Variants in CDKL5 observed in about 807,000 individuals in gnomAD.
CDKL5 encodes cyclin-dependent kinase-like 5.
Under a neutral mutation model 61.7 loss-of-function variants are expected in CDKL5, and 8 were observed. The observed-to-expected ratio is 0.13, with a 90% CI of 0.08 to 0.23. CDKL5 has a LOEUF of 0.23. Ranked by LOEUF, CDKL5 falls within the 10% of genes least tolerant of loss-of-function variation. CDKL5 has a pLI of 1.00. For missense variants in CDKL5, 440 were observed against 734.5 expected, an observed-to-expected ratio of 0.60 and a Z score of 4.63; for synonymous variants, 275 against 272.3, an observed-to-expected ratio of 1.01 and a Z score of -0.10.
chrX:18,575,757 A>G (rs747113001), intron 5 of CDKL5, among the ~76,000 whole-genome samples: 9 of 112,485 alleles, frequency 8.0e-5, no homozygotes, highest in Non-Finnish European at 1.7e-4. Flanking sequence ...ATGTTCAACA[A>G]GTAATTTTTA....
At chrX:18,520,445 T>G (rs1923205523) in intron 3 of CDKL5, among the ~76,000 whole-genome samples, 1 of 112,312 alleles carries the variant, frequency 8.9e-6, no homozygotes, top group Non-Finnish European at 1.9e-5. Context: ...TGATACTGTT[T>G]CGTGTTGTAT....
intron 8 of CDKL5, among the ~76,000 whole-genome samples, chrX:18,587,505 C>G (rs918357445): frequency 8.9e-6 from 1 of 111,739 alleles, no homozygotes; most frequent in Non-Finnish European, 1.9e-5. Flanking sequence ...ACACATAAAT[C>G]AGTACATAGT....
At chrX:18,546,983 A>G (rs1000264260) in intron 3 of CDKL5, among the ~76,000 whole-genome samples, 1 of 111,682 alleles carries the variant, frequency 9.0e-6, no homozygotes, top group African/African-American at 3.3e-5. Flanking sequence ...AAGCTAAAAC[A>G]TCACCTCCTT....
intron 1 of CDKL5, among the ~76,000 whole-genome samples, chrX:18,478,051 G>C (rs945050127): frequency 9.0e-6 from 1 of 110,813 alleles, no homozygotes; most frequent in African/African-American, 3.3e-5. Flanking sequence ...AGTGTCACTT[G>C]TTTTCAGTAT....
chrX:18,519,031 A>G (rs752947677), intron 3 of CDKL5, among the ~76,000 whole-genome samples: 1 of 111,069 alleles, frequency 9.0e-6, no homozygotes, highest in Admixed American at 9.6e-5. Flanking sequence ...TCCTTGGTGT[A>G]GTAATGATGG....
chrX:18,532,661 T>C (rs1382099888), intron 3 of CDKL5, among the ~76,000 whole-genome samples: 5 of 111,951 alleles, frequency 4.5e-5, no homozygotes, highest in Non-Finnish European at 7.5e-5. Flanking sequence ...ATCTGTGTGA[T>C]AGAGGACAAT....
At chrX:18,557,442 C>T (rs1180663966) in intron 3 of CDKL5, among the ~76,000 whole-genome samples, 1 of 111,371 alleles carries the variant, frequency 9.0e-6, no homozygotes, top group African/African-American at 3.3e-5. Flanking sequence ...CCTCGGGGAT[C>T]CTGGAACCAG....
intron 16 of CDKL5, among the ~76,000 whole-genome samples, chrX:18,624,270 A>G (rs1261641293): frequency 8.9e-6 from 1 of 112,617 alleles, no homozygotes; most frequent in Non-Finnish European, 1.9e-5. Context: ...GATAACATTT[A>G]TAAAAGCCTG....
At chrX:18,501,402 G>C (rs1482208386) in intron 1 of CDKL5, among the ~76,000 whole-genome samples, 1 of 110,122 alleles carries the variant, frequency 9.1e-6, no homozygotes, top group East Asian at 2.9e-4. Context: ...TCGAGCTCCT[G>C]ACCTCAGGTT....
intron 3 of CDKL5, among the ~76,000 whole-genome samples, chrX:18,533,921 C>T (rs1186555596): frequency 8.9e-6 from 1 of 111,843 alleles, no homozygotes; most frequent in Admixed American, 9.5e-5. Context: ...TTTCCTCCAA[C>T]CCTCCCACTG....
intron 8 of CDKL5, chrX:18,587,673 G>A (rs192730161): frequency 2.9e-6 from 1 of 342,790 alleles, no homozygotes; most frequent in Non-Finnish European, 5.1e-6. Context: ...CTGTATTAGG[G>A]TTTATTAAGC....
At position 18,653,380 on chromosome X, in the gene CDKL5, C is replaced by A. The variant is rs994142937; in HGVS notation, c.2981-52C>A. The A allele has an allele frequency of 2.5e-6, 3 of 1,195,582 alleles. No individual in the cohort carries two copies. The African/African-American group carries it at 5.3e-5, about 21-fold the overall frequency. ...CCGGGCATTAGCCAGAGTGCACCTG[C>A]TAGCGCTCCTGGCAGCTCTGAGTGA... On this transcript the variant is annotated intron_variant, in intron 21 of 21. Coordinates refer to the CDKL5 transcript ENST00000379989.
intron 17 of CDKL5, chrX:18,627,812 A>AC (rs1403820021): frequency 9.1e-6 from 1 of 109,336 alleles, no homozygotes; most frequent in East Asian, 2.9e-4. Context: ...AAAAAAAAAA[A>AC]GTGCAGCAAG....
chrX:18,582,040 G>A, intron 7 of CDKL5, 90 bp downstream of exon 7: 2 of 696,795 alleles, frequency 2.9e-6, no homozygotes, highest in Non-Finnish European at 4.5e-6. Context: ...AAAAGTAATT[G>A]TTATGTTTTG....
intron 13 of CDKL5, among the ~76,000 whole-genome samples, 190 bp downstream of exon 13, chrX:18,609,102 C>T (rs188337588): frequency 2.7e-5 from 3 of 111,908 alleles, no homozygotes; most frequent in East Asian, 5.6e-4. Flanking sequence ...TGATTAGGTA[C>T]GGTTCTAAAT....
At chrX:18,500,772 G>T (rs2147087080) in intron 1 of CDKL5, among the ~76,000 whole-genome samples, 1 of 111,119 alleles carries the variant, frequency 9.0e-6, no homozygotes, top group African/African-American at 3.3e-5. Flanking sequence ...TTTTTCTTCA[G>T]TATGAATACT....
chrX:18,619,195 G>A (rs1383108127), intron 15 of CDKL5, among the ~76,000 whole-genome samples: 2 of 95,951 alleles, frequency 2.1e-5, no homozygotes, highest in Admixed American at 2.4e-4. Flanking sequence ...GGGTCTTGCC[G>A]TGTTGCCCAC....
intron 20 of CDKL5, chrX:18,647,106 G>T: frequency 9.5e-7 from 1 of 1,056,595 alleles, no homozygotes; most frequent in South Asian, 1.9e-5. Flanking sequence ...TAGTAGAGAC[G>T]GGGTTTCACT....
intron 3 of CDKL5, among the ~76,000 whole-genome samples, chrX:18,554,425 T>C (rs1038643407): frequency 1.9e-5 from 2 of 103,710 alleles, no homozygotes; most frequent in African/African-American, 7.1e-5. Flanking sequence ...TTTTTTTTTT[T>C]TTTTTTGTGA....
Sources: gnomAD v4.1 joint callset for allele counts (sites outside exome capture counted in the v4.1 genomes callset) on GRCh38, gnomAD v4.1.1 for gene constraint, MANE v1.5 for transcripts, NCBI Gene and HGNC (gene_info 2026-07-23, HGNC 2026-07-21) for gene names.